The following DENND1A variants were observed in gnomAD, a reference collection of about 807,000 sequenced individuals.
DENND1A encodes DENN domain containing 1A.
DENND1A carries 51 observed loss-of-function variants against 113.7 expected under a neutral mutation model. The observed-to-expected ratio is 0.45, with a 90% CI of 0.36 to 0.57. The LOEUF (loss-of-function observed/expected upper bound fraction) is 0.57, where lower values mean the gene tolerates loss of function less well. DENND1A is among the 20% of genes least tolerant of loss of function. The pLI is 0.00. For missense variants in DENND1A, 1,258 were observed against 1,395.9 expected, an observed-to-expected ratio of 0.90 and a Z score of 1.57; for synonymous variants, 565 against 570.8, an observed-to-expected ratio of 0.99 and a Z score of 0.14.
intron 18 of DENND1A, among the ~76,000 whole-genome samples, chr9:123,444,834 A>G (rs767647263): frequency 1.3e-5 from 2 of 152,168 alleles, no homozygotes; most frequent in Non-Finnish European, 2.9e-5. Context: ...TCTAAATGTC[A>G]TTTTTAAAAA....
At chr9:123,640,702 CTG>C (rs1233281516) in intron 9 of DENND1A, among the ~76,000 whole-genome samples, 1 of 152,198 alleles carries the variant, frequency 6.6e-6, no homozygotes, top group Non-Finnish European at 1.5e-5. Context: ...GTGCTGGGCT[CTG>C]TGCTTTCATA....
intron 2 of DENND1A, among the ~76,000 whole-genome samples, chr9:123,830,666 C>G (rs1840040533): frequency 6.6e-6 from 1 of 151,802 alleles, no homozygotes; most frequent in African/African-American, 2.4e-5. Flanking sequence ...GGGTTTGAGA[C>G]CAGCCTGGCC....
chr9:123,552,186 C>A (rs2057127459), intron 13 of DENND1A, among the ~76,000 whole-genome samples: 1 of 152,144 alleles, frequency 6.6e-6, no homozygotes, highest in Non-Finnish European at 1.5e-5. Flanking sequence ...CCCCTCCTTA[C>A]AGAGCCAGGC....
In DENND1A at chr9:123,609,453, G is replaced by T; in HGVS notation, c.748C>A (p.His250Asn). The change falls in exon 11 of 24, where the codon CAT becomes AAT. Residue 250 changes from histidine to asparagine, a missense_variant. By Grantham distance (68) the His-to-Asn change is moderately conservative. Coordinates refer to ENST00000394215, the MANE Select transcript of DENND1A (RefSeq NM_001352964.2). ...CAPMPYLIGI[H>N]LSLMEKVRNM... Reference sequence around the variant, plus strand: ...CAACTTACCTCCATTAAACTTAAATGGATTCCTATGAGGTAGGGCATGGGA... The same window carrying T: ...CAACTTACCTCCATTAAACTTAAATTGATTCCTATGAGGTAGGGCATGGGA... 1 of 1,613,708 alleles carries T rather than the reference G, an allele frequency of 6.2e-7. No individual in the cohort carries two copies. Among genetic ancestry groups the T allele is most frequent in the South Asian group, 1.1e-5 (1 of 90,906 alleles).
chr9:123,872,948 C>T (rs1347788029), intron 2 of DENND1A, among the ~76,000 whole-genome samples: 1 of 152,126 alleles, frequency 6.6e-6, no homozygotes, highest in African/African-American at 2.4e-5. Context: ...AAACAAACTT[C>T]AAAGGGAAGA....
intron 10 of DENND1A, among the ~76,000 whole-genome samples, chr9:123,627,844 G>T (rs2061309590): frequency 6.6e-6 from 1 of 152,156 alleles, no homozygotes; most frequent in African/African-American, 2.4e-5. Flanking sequence ...AACCAGAGGG[G>T]GCTGAGTGAG....
At chr9:123,538,656 T>A (rs1159854636) in intron 13 of DENND1A, among the ~76,000 whole-genome samples, 1 of 149,982 alleles carries the variant, frequency 6.7e-6, no homozygotes, top group African/African-American at 2.4e-5. Flanking sequence ...ATTTTAATAA[T>A]TAAAAATTAA....
chr9:123,559,771 C>A (rs1475013054), intron 12 of DENND1A, among the ~76,000 whole-genome samples: 1 of 152,172 alleles, frequency 6.6e-6, no homozygotes, highest in Non-Finnish European at 1.5e-5. Flanking sequence ...ACTACTAACT[C>A]CAGAACATTT....
chr9:123,557,777 C>G, intron 12 of DENND1A, 82 bp from the exon 13 acceptor site: 3 of 1,500,124 alleles, frequency 2.0e-6, no homozygotes, highest in Non-Finnish European at 2.7e-6. Flanking sequence ...ATATGGAGCC[C>G]TGGAAGATCC....
At chr9:123,480,063 G>A (rs371685737) in intron 13 of DENND1A, among the ~76,000 whole-genome samples, 1 of 152,210 alleles carries the variant, frequency 6.6e-6, no homozygotes, top group East Asian at 1.9e-4. Context: ...GTTGTTTTGG[G>A]AGAAATACAA....
chr9:123,826,701 T>C (rs1839381318), intron 2 of DENND1A, among the ~76,000 whole-genome samples: 1 of 152,202 alleles, frequency 6.6e-6, no homozygotes, highest in African/African-American at 2.4e-5. Flanking sequence ...TTCTCCACTC[T>C]GTCCCATCTG....
intron 11 of DENND1A, among the ~76,000 whole-genome samples, chr9:123,591,413 T>C (rs1243447248): frequency 6.6e-6 from 1 of 152,214 alleles, no homozygotes; most frequent in Non-Finnish European, 1.5e-5. Flanking sequence ...GCCAGGAGCA[T>C]GCAGCACTCA....
Position 123,382,637 on chromosome 9 carries a change from G to A in DENND1A, c.2020-12C>T. Reference sequence around the variant, plus strand: ...CCCAGATCCAGCCTCTGTTGGGAGGGAAGGAGGGCGGCAGTGACCACGGGC... The same window carrying A: ...CCCAGATCCAGCCTCTGTTGGGAGGAAAGGAGGGCGGCAGTGACCACGGGC... On this transcript the variant is annotated splice_polypyrimidine_tract_variant and intron_variant, in intron 23 of 23. Coordinates refer to ENST00000394215, the MANE Select transcript of DENND1A (RefSeq NM_001352964.2). 6.2e-7 allele frequency: 1 copy of A among 1,613,654 alleles called. No individual in the cohort carries two copies. Among genetic ancestry groups the A allele is most frequent in the Non-Finnish European group, 8.5e-7 (1 of 1,179,816 alleles).
chr9:123,383,772 G>A lies in DENND1A; in HGVS notation c.1902C>T (p.Asp634=), dbSNP rs200564841. The A allele has an allele frequency of 2.4e-5, 39 of 1,614,148 alleles. No individual in the cohort carries two copies. Among genetic ancestry groups the A allele is most frequent in the Admixed American group, 1.8e-4 (11 of 60,032 alleles). The change falls in exon 23 of 24, where the codon GAC becomes GAT. Residue 634 remains aspartate, a synonymous_variant. Transcript: ENST00000394215. ...DRAASIDLLE[D]VFSNLDMEAA... ...CCTCCATGTCCAGGTTGCTGAAGAC[G>A]TCTTCCAGAAGGTCGATGCTGGCAG...
At chr9:123,417,488 A>G (rs113977954) in intron 19 of DENND1A, among the ~76,000 whole-genome samples, 3,122 of 152,350 alleles carry the variant, frequency 0.02, 51 homozygotes, top group Admixed American at 0.032. Context: ...CAGAGAGGTT[A>G]AGGGACTAGT....
At chr9:123,728,496 A>ACAAAAAAAACAAAC (rs1433114817) in intron 5 of DENND1A, among the ~76,000 whole-genome samples, 2 of 147,268 alleles carry the variant, frequency 1.4e-5, no homozygotes, top group African/African-American at 5.1e-5. Flanking sequence ...AAAAAAAAAA[A>ACAAAAAAAACAAAC]AAAAAAAAAA....
At chr9:123,542,995 G>A (rs1487232823) in intron 13 of DENND1A, among the ~76,000 whole-genome samples, 1 of 152,236 alleles carries the variant, frequency 6.6e-6, no homozygotes, top group Non-Finnish European at 1.5e-5. Context: ...AGAGGACCAA[G>A]TAGAGCAGCC....
chr9:123,538,805 CATACATATATAT>C (rs1460750594), intron 13 of DENND1A, among the ~76,000 whole-genome samples: 1,428 of 50,044 alleles, frequency 0.029, 129 homozygotes, highest in Middle Eastern at 0.09. Context: ...GGTGACAACT[CATACATATATAT>C]ATATATATAT....
intron 5 of DENND1A, among the ~76,000 whole-genome samples, chr9:123,704,685 G>A (rs1331376687): frequency 6.6e-6 from 1 of 152,026 alleles, no homozygotes; most frequent in Non-Finnish European, 1.5e-5. Context: ...GAATAAAACA[G>A]TGTTTAATGC....
Sources: allele counts gnomAD v4.1 joint callset (sites outside exome capture counted in the v4.1 genomes callset), GRCh38; gene constraint gnomAD v4.1.1; transcripts MANE v1.5; gene names NCBI Gene and HGNC (gene_info 2026-07-23, HGNC 2026-07-21).